TMEM143: variants seen among roughly 807,000 people sequenced by gnomAD.
TMEM143 encodes the protein transmembrane protein 143.
A neutral mutation model predicts 40.3 loss-of-function variants in TMEM143; 45 were observed. The ratio of observed to expected loss-of-function variants is 1.12; its 90% CI spans 0.88 to 1.43. The LOEUF is 1.43. Among genes scored for constraint, TMEM143 ranks in the 40% most tolerant of loss-of-function variants. TMEM143 has a pLI of 0.00. For missense variants in TMEM143, 620 were observed against 613.4 expected, an observed-to-expected ratio of 1.01 and a Z score of -0.11; for synonymous variants, 299 against 282.7, an observed-to-expected ratio of 1.06 and a Z score of -0.58.
At chr19:48,352,267 A>G (rs1969795650) in intron 3 of TMEM143, among the ~76,000 whole-genome samples, 1 of 144,576 alleles carries the variant, frequency 6.9e-6, no homozygotes, top group Non-Finnish European at 1.5e-5. Flanking sequence ...AAAAAACACC[A>G]TATCTGCATA....
chr19:48,342,144 C>CAGGA (rs1315061625), intron 6 of TMEM143, among the ~76,000 whole-genome samples: 2 of 80,754 alleles, frequency 2.5e-5, no homozygotes, highest in African/African-American at 5.1e-5. Context: ...AAAAGAGGAA[C>CAGGA]AGGAAGGAAG....
chr19:48,351,410 C>T (rs533507188), intron 3 of TMEM143, among the ~76,000 whole-genome samples: 423 of 152,282 alleles, frequency 2.8e-3, no homozygotes, highest in Non-Finnish European at 4.4e-3. Flanking sequence ...CTGTTCTCCC[C>T]GCCCCGTCCC....
intron 3 of TMEM143, among the ~76,000 whole-genome samples, chr19:48,352,742 T>A (rs982229024): frequency 7.2e-5 from 11 of 151,848 alleles, no homozygotes; most frequent in African/African-American, 2.2e-4. Flanking sequence ...ACCACTGCAC[T>A]CCAGCCTGGG....
At chr19:48,341,334 G>GT (rs1309974039) in intron 6 of TMEM143, among the ~76,000 whole-genome samples, 1 of 152,172 alleles carries the variant, frequency 6.6e-6, no homozygotes, top group African/African-American at 2.4e-5. Context: ...CTGTGCAACT[G>GT]TTCAAGGCAG....
Position 48,343,314 on chromosome 19 carries a change from G to A in TMEM143, c.695+7C>T, listed in dbSNP as rs750530429. ...TTGCTGCAGCTGGGGAACAAGGGCC[G>A]CCTCACCTCTCCGCAGGGGGCAGCT... On this transcript the variant is annotated splice_region_variant and intron_variant, in intron 5 of 7. Coordinates refer to ENST00000293261, the MANE Select transcript of TMEM143 (RefSeq NM_018273.4). The A allele has an allele frequency of 2.6e-5, 42 of 1,609,144 alleles. No individual in the cohort carries two copies. The highest frequency in any genetic ancestry group is 9.4e-5 in the African/African-American group (7 of 74,784).
chr19:48,333,462 G>T lies in TMEM143; in HGVS notation c.1166-29C>A. ...CAAGGGGAGAGGCAGGTGTTCTGAGGTCACACTGAGATCGGGGAAGATTCG... is the reference window on the plus strand; with the variant it reads ...CAAGGGGAGAGGCAGGTGTTCTGAGTTCACACTGAGATCGGGGAAGATTCG... On this transcript the variant is annotated intron_variant, in intron 7 of 7. Coordinates refer to ENST00000293261, the MANE Select transcript of TMEM143 (RefSeq NM_018273.4). This position sits in a 1 kb window ranked among gnomAD's most constrained non-coding sequence, Gnocchi z 4.1. 6.8e-7 allele frequency: 1 copy of T among 1,470,826 alleles called. No individual in the cohort carries two copies. The highest frequency in any genetic ancestry group is 9.3e-7 in the Non-Finnish European group (1 of 1,071,970). The allele number at this position is 1,470,826 out of a possible 1,614,324, so 91.1% of individuals were successfully genotyped here.
Position 48,333,452 on chromosome 19 carries a change from GT to G in TMEM143, c.1166-20del. 6.6e-7 allele frequency: 1 copy of G among 1,519,526 alleles called. No individual in the cohort carries two copies. Among genetic ancestry groups the G allele is most frequent in the Non-Finnish European group, 9.0e-7 (1 of 1,112,750 alleles). 94.1% of individuals were successfully genotyped at this position (1,519,526 alleles called of 1,614,324 possible). ...GAGGTCTCTGCAAGGGGAGAGGCAGGTGTTCTGAGGTCACACTGAGATCGGG... is the reference window on the plus strand; with the variant it reads ...GAGGTCTCTGCAAGGGGAGAGGCAGGGTTCTGAGGTCACACTGAGATCGGG... On this transcript the variant is annotated intron_variant, in intron 7 of 7. Coordinates refer to ENST00000293261, the MANE Select transcript of TMEM143 (RefSeq NM_018273.4). This position sits in a 1 kb window ranked among gnomAD's most constrained non-coding sequence, Gnocchi z 4.1.
chr19:48,358,954 A>G (rs1315911968), intron 3 of TMEM143, among the ~76,000 whole-genome samples: 1 of 152,138 alleles, frequency 6.6e-6, no homozygotes, highest in Non-Finnish European at 1.5e-5. Context: ...GGATCACTTG[A>G]GGTCAGGAAT....
chr19:48,338,728 AC>A lies in TMEM143; in HGVS notation c.975+3801del, dbSNP rs763293329. Among the ~76,000 whole-genome samples, 51 of 152,142 alleles carry A rather than the reference AC, an allele frequency of 3.4e-4. No individual in the cohort carries two copies. The East Asian group carries it at 6.4e-3, about 19-fold the overall frequency. ...GATCGGGCTGCTGCATCTCAGGGGC[AC>A]CAGTTCAACATCCCTCCCCAGGCTG... On this transcript the variant is annotated intron_variant, in intron 6 of 7. Coordinates refer to ENST00000293261, the MANE Select transcript of TMEM143 (RefSeq NM_018273.4).
intron 3 of TMEM143, among the ~76,000 whole-genome samples, chr19:48,358,289 C>G (rs1008746144): frequency 1.3e-5 from 2 of 151,126 alleles, no homozygotes; most frequent in Non-Finnish European, 2.9e-5. Context: ...GGGACTGAGG[C>G]ACAAGAATCA....
intron 3 of TMEM143, among the ~76,000 whole-genome samples, chr19:48,351,932 T>A (rs1378270864): frequency 6.6e-6 from 1 of 151,968 alleles, no homozygotes; most frequent in East Asian, 1.9e-4. Flanking sequence ...AACCTACAGA[T>A]GCTCAAGCCC....
chr19:48,345,294 G>A lies in TMEM143; in HGVS notation c.430C>T (p.Pro144Ser), dbSNP rs772176697. ...ETLDQPSLTD[P>S]QRLSNEQEVL... is the part of the protein sequence containing the mutation. ...TCCTGCTCATTAGACAGACGCTGGG[G>A]ATCCGTTAGTGATGGCTGATCGAGG... The change falls in exon 4 of 8, where the codon CCC (proline) becomes TCC (serine). Residue 144 changes from proline (P) to serine (S), a missense_variant. Pro to Ser is a moderately conservative substitution (Grantham distance 74). Transcript: ENST00000293261. The A allele has an allele frequency of 2.5e-6, 4 of 1,607,420 alleles. No homozygotes were observed. Among genetic ancestry groups the A allele is most frequent in the East Asian group, 4.5e-5 (2 of 44,730 alleles).
intron 3 of TMEM143, among the ~76,000 whole-genome samples, chr19:48,350,919 CAAAAAAAAAAAAA>C (rs71181680): frequency 3.4e-5 from 3 of 88,242 alleles, no homozygotes; most frequent in African/African-American, 1.4e-4. Context: ...GACTACATCT[CAAAAAAAAAAAAA>C]AAAAAAAAAA....
At chr19:48,336,792 A>G (rs35408498) in intron 6 of TMEM143, among the ~76,000 whole-genome samples, 77,723 of 151,554 alleles carry the variant, frequency 0.51, 20,274 homozygotes, top group Middle Eastern at 0.62. Flanking sequence ...TCAGAAGATC[A>G]AGACCACGAG....
In TMEM143 at chr19:48,342,619, C is replaced by T. The variant is rs895232661; in HGVS notation, c.886G>A (p.Val296Met). 1.2e-6 allele frequency: 2 copies of T among 1,613,864 alleles called. No homozygotes were observed. Among genetic ancestry groups the T allele is most frequent in the Non-Finnish European group, 1.7e-6 (2 of 1,179,992 alleles). ...AGGTCGGTTAGCACCACCATGCCCA[C>T]GTTGACGAAGATCGCCACGCCGGAG... ...VVSGVAIFVN[V>M]GMVVLTDLKV... The change falls in exon 6 of 8, where the codon GTG (valine) becomes ATG (methionine). Residue 296 changes from valine to methionine, a missense_variant. Transcript: ENST00000293261.
In TMEM143 at chr19:48,332,869, T is replaced by C. The variant is rs2147349337; in HGVS notation, c.*350A>G. On this transcript the variant is annotated 3_prime_UTR_variant, in exon 8 of 8. Coordinates refer to ENST00000293261, the MANE Select transcript of TMEM143 (RefSeq NM_018273.4). ...CGGGAGGGCGCAGCTTTAACTCTTCTACCTGGCGGTTTACAGAAGCCAGAG... is the reference window on the plus strand; with the variant it reads ...CGGGAGGGCGCAGCTTTAACTCTTCCACCTGGCGGTTTACAGAAGCCAGAG... 5.4e-6 allele frequency: 1 copy of C among 184,526 alleles called. No individual in the cohort carries two copies. Among genetic ancestry groups the C allele is most frequent in the African/African-American group, 2.3e-5 (1 of 42,786 alleles). The allele number at this position is 184,526 out of a possible 1,614,324, so 11.4% of individuals were successfully genotyped here.
chr19:48,354,461 C>T (rs980937838), intron 3 of TMEM143, among the ~76,000 whole-genome samples: 3 of 152,016 alleles, frequency 2.0e-5, no homozygotes, highest in South Asian at 2.1e-4. Flanking sequence ...GATGGGGTTT[C>T]ACCATGTTGG....
At chr19:48,361,853 G>A (rs1970048187) in intron 2 of TMEM143, among the ~76,000 whole-genome samples, 2 of 152,256 alleles carry the variant, frequency 1.3e-5, no homozygotes, top group South Asian at 4.1e-4. Flanking sequence ...TGTTTCCTAT[G>A]TCAATGTCCT....
rs989261134 is a variant in TMEM143, at chr19:48,333,251, G to A, written c.1348C>T (p.Pro450Ser). ...ATGTTACTGCTGGGCGTGGCTTGCGGGGGCTCGGAAGTGATCGGAGCCACT... is the reference window on the plus strand; with the variant it reads ...ATGTTACTGCTGGGCGTGGCTTGCGAGGGCTCGGAAGTGATCGGAGCCACT... ...DPVAPITSEP[P>S]QATPSSNIS The change falls in exon 8 of 8, where the codon CCG (proline) becomes TCG (serine). Residue 450 changes from proline to serine, a missense_variant. Pro to Ser is a moderately conservative substitution (Grantham distance 74, BLOSUM62 -1). Coordinates refer to ENST00000293261, the MANE Select transcript of TMEM143 (RefSeq NM_018273.4). The surrounding 1 kb of genome is among the most constrained non-coding windows in gnomAD (Gnocchi z 4.1). 6.7e-7 allele frequency: 1 copy of A among 1,495,284 alleles called. No homozygotes were observed. The highest frequency in any genetic ancestry group is 1.3e-5 in the South Asian group (1 of 76,564). 92.6% of individuals were successfully genotyped at this position (1,495,284 alleles called of 1,614,324 possible).
Sources: allele counts gnomAD v4.1 joint callset (sites outside exome capture counted in the v4.1 genomes callset), GRCh38; gene constraint gnomAD v4.1.1; non-coding constraint Gnocchi (gnomAD v3.1); transcripts MANE v1.5; gene names NCBI Gene and HGNC (gene_info 2026-07-23, HGNC 2026-07-21).